The following ADCY5 variants were observed in gnomAD, a reference collection of about 807,000 sequenced individuals.
ADCY5 encodes the protein adenylate cyclase type 5.
A neutral mutation model predicts 119.7 loss-of-function variants in ADCY5; 30 were observed. The ratio of observed to expected loss-of-function variants is 0.25; its 90% CI spans 0.19 to 0.34. ADCY5 has a LOEUF of 0.34. Among genes scored for constraint, ADCY5 ranks in the 10% least tolerant of loss-of-function variants. ADCY5 has a pLI of 1.00. For synonymous variants in ADCY5, 753 were observed against 762.2 expected, an observed-to-expected ratio of 0.99 and a Z score of 0.20; for missense variants, 1,324 against 1,775.2, an observed-to-expected ratio of 0.75 and a Z score of 4.57.
At chr3:123,380,379 G>A (rs1198194172) in intron 1 of ADCY5, among the ~76,000 whole-genome samples, 1 of 152,156 alleles carries the variant, frequency 6.6e-6, no homozygotes, top group African/African-American at 2.4e-5. Context: ...TTAGATCCTG[G>A]GCTTCCCAAG....
chr3:123,392,206 T>C (rs1944418470), intron 1 of ADCY5, among the ~76,000 whole-genome samples: 1 of 152,204 alleles, frequency 6.6e-6, no homozygotes, highest in African/African-American at 2.4e-5. Context: ...TAGAAAGAAA[T>C]AGCAAAATGT....
intron 1 of ADCY5, among the ~76,000 whole-genome samples, chr3:123,403,172 G>A (rs1944818770): frequency 6.6e-6 from 1 of 152,004 alleles, no homozygotes; most frequent in Non-Finnish European, 1.5e-5. Context: ...TTGAGCTCAA[G>A]TGTTGGGGAC....
intron 20 of ADCY5, among the ~76,000 whole-genome samples, chr3:123,285,178 AGCT>A (rs1308627763): frequency 6.6e-6 from 1 of 152,144 alleles, no homozygotes. Context: ...GATTTTTAAA[AGCT>A]GCTTTTTTCA....
At chr3:123,367,338 G>T (rs1221307854) in intron 1 of ADCY5, among the ~76,000 whole-genome samples, 1 of 152,212 alleles carries the variant, frequency 6.6e-6, no homozygotes, top group East Asian at 1.9e-4. Context: ...GTTTTCCAGG[G>T]AAGCTGATGA....
chr3:123,332,714 T>C, intron 3 of ADCY5, 39 bp from the exon 4 acceptor site: 1 of 1,303,728 alleles, frequency 7.7e-7, no homozygotes, highest in Non-Finnish European at 1.1e-6. Context: ...TGCTATAGGC[T>C]GAATCTTTGT....
intron 4 of ADCY5, 129 bp from the exon 5 acceptor site, chr3:123,331,145 C>T (rs900589580): frequency 1.0e-6 from 1 of 984,788 alleles, no homozygotes; most frequent in Non-Finnish European, 1.5e-6. Context: ...AGCGCAGGCC[C>T]ACGCCGGAAC....
chr3:123,284,618 G>C lies in ADCY5; in HGVS notation c.3776C>G (p.Pro1259Arg), dbSNP rs117446067. 1.1e-5 allele frequency: 17 copies of C among 1,614,096 alleles called. No individual in the cohort carries two copies. In the African/African-American group the frequency reaches 2.0e-4, roughly 19 times the overall value. Residue 1259 changes from proline to arginine, a missense_variant, in exon 21 of 21, where the codon CCG (proline) becomes CGG (arginine). This residue lies in a region of ADCY5 where 178 missense variants were observed against 329.6 expected (regional missense o/e 0.54). Transcript: ENST00000462833. ...MMTYFLNGGP[P>R]LS Reference sequence around the variant, plus strand: ...ATTGGCCAACAGCTGCTAACTGAGCGGGGGCCCTCCATTGAGGAAGTAGGT... The same window carrying C: ...ATTGGCCAACAGCTGCTAACTGAGCCGGGGCCCTCCATTGAGGAAGTAGGT...
intron 11 of ADCY5, among the ~76,000 whole-genome samples, chr3:123,317,473 G>A (rs1940976991): frequency 6.6e-6 from 1 of 151,838 alleles, no homozygotes. Flanking sequence ...GGTGGCTCAC[G>A]CCTGTAATCC....
At chr3:123,344,251 C>G (rs1320877247) in intron 3 of ADCY5, among the ~76,000 whole-genome samples, 2 of 152,216 alleles carry the variant, frequency 1.3e-5, no homozygotes, top group Admixed American at 1.3e-4. Flanking sequence ...TAGAGAACAG[C>G]ATGTCATCAC....
chr3:123,311,072 G>C (rs988563553), intron 12 of ADCY5, among the ~76,000 whole-genome samples: 10 of 152,220 alleles, frequency 6.6e-5, no homozygotes, highest in African/African-American at 2.4e-4. Flanking sequence ...AAGGAAGTCA[G>C]TCCATGTTGT....
In ADCY5 at chr3:123,308,784, G is replaced by C. The variant is rs549327475; in HGVS notation, c.2443-4601C>G. ...GCGGAGCTTGCAGTGAGCCGAGATC[G>C]TGCCACTGCACTCCAGCCTGGGCAA... On this transcript the variant is annotated intron_variant, in intron 12 of 20. Transcript: ENST00000462833. Among the ~76,000 whole-genome samples, 60 of 152,236 alleles carry C rather than the reference G, an allele frequency of 3.9e-4. No homozygotes were observed. In the Middle Eastern group the frequency reaches 0.01, roughly 26 times the overall value.
chr3:123,300,395 G>C (rs1282326669), intron 14 of ADCY5, 100 bp from the exon 15 acceptor site: 2 of 1,331,326 alleles, frequency 1.5e-6, no homozygotes, highest in East Asian at 5.0e-5. Flanking sequence ...AGTGAGGCCT[G>C]GGCTGGGCAT....
At chr3:123,402,568 C>T (rs952027184) in intron 1 of ADCY5, among the ~76,000 whole-genome samples, 7 of 152,306 alleles carry the variant, frequency 4.6e-5, no homozygotes, top group South Asian at 2.1e-4. Flanking sequence ...GAGCCCTAGT[C>T]GGCTGGGCGT....
At chr3:123,410,267 C>T (rs1241900304) in intron 1 of ADCY5, among the ~76,000 whole-genome samples, 3 of 152,172 alleles carry the variant, frequency 2.0e-5, no homozygotes. Context: ...AGGAAACAGC[C>T]CACAAAGACT....
intron 1 of ADCY5, among the ~76,000 whole-genome samples, chr3:123,359,331 A>AATAT (rs57105101): frequency 0.011 from 1,212 of 109,626 alleles, 32 homozygotes; most frequent in East Asian, 0.07. Flanking sequence ...CTTATACTAA[A>AATAT]ATATATATAT....
rs1428394874 is a variant in ADCY5 at position 123,328,632 on chromosome 3, G to A, written c.1805+12C>T. The stretch of plus-strand genomic sequence containing the variant: ...AGGTCGGGGCCCCAAGCCACCCACA[G>A]CTGTCACTCACCCTGCCTTGCCGCC... On this transcript the variant is annotated intron_variant, in intron 6 of 20. Transcript: ENST00000462833. 1 of 1,613,394 alleles carries A rather than the reference G, an allele frequency of 6.2e-7. No individual in the cohort carries two copies.
intron 1 of ADCY5, among the ~76,000 whole-genome samples, chr3:123,390,445 G>A (rs1252836332): frequency 1.3e-5 from 2 of 152,226 alleles, no homozygotes. Context: ...CTGTTTGGCA[G>A]GAGCTCTGCT....
intron 12 of ADCY5, among the ~76,000 whole-genome samples, chr3:123,305,469 A>C (rs1245910964): frequency 6.6e-6 from 1 of 152,208 alleles, no homozygotes; most frequent in East Asian, 1.9e-4. Context: ...CCCTTGGTCC[A>C]GTGTTCTTCA....
In ADCY5 at chr3:123,328,669, G is replaced by A; in HGVS notation, c.1780C>T (p.His594Tyr). 1 of 1,614,152 alleles carries A rather than the reference G, an allele frequency of 6.2e-7. No homozygotes were observed. Among genetic ancestry groups the A allele is most frequent in the South Asian group, 1.1e-5 (1 of 91,084 alleles). ...CCTGCCTTGCCGCCAGCCTCCATGT[G>A]GTTGGCTAGCGTGACATCGTTAGAC... ...VWSNDVTLAN[H>Y]MEAGGKAGRI... is the part of the protein sequence containing the mutation. Residue 594 changes from histidine (H) to tyrosine (Y), a missense_variant, in exon 6 of 21, where the codon CAC becomes TAC. Physicochemically the swap from His to Tyr is moderately conservative, Grantham distance 83. This residue lies in a region of ADCY5 where 424 missense variants were observed against 546.8 expected (regional missense o/e 0.78). Coordinates refer to ENST00000462833, the MANE Select transcript of ADCY5 (RefSeq NM_183357.3).
Sources: allele counts gnomAD v4.1 joint callset (sites outside exome capture counted in the v4.1 genomes callset), GRCh38; gene constraint gnomAD v4.1.1; regional missense constraint gnomAD v4.1.1; transcripts MANE v1.5; gene names NCBI Gene and HGNC (gene_info 2026-07-23, HGNC 2026-07-21).